The following BRCC3 variants were observed in gnomAD, a reference collection of about 807,000 sequenced individuals.
BRCC3 encodes the protein BRCA1/BRCA2-containing complex subunit 3.
In BRCC3, 15 loss-of-function variants were observed where a neutral mutation model predicts 28.0. The observed-to-expected ratio is 0.54, with a 90% CI of 0.36 to 0.82. The LOEUF (loss-of-function observed/expected upper bound fraction) is 0.82. BRCC3 is among the 40% of genes least tolerant of loss of function. The pLI is 0.01. For missense variants in BRCC3, 109 were observed against 225.9 expected (o/e 0.48, Z 3.32); for synonymous variants, 66 against 80.3 (o/e 0.82, Z 0.95).
chrX:155,086,100 T>TTTAACA (rs2074125379), intron 5 of BRCC3, among the ~76,000 whole-genome samples: 1 of 111,335 alleles, frequency 9.0e-6, no homozygotes, highest in African/African-American at 3.3e-5. Context: ...CAACACACCT[T>TTTAACA]GGAAATCATG....
intron 3 of BRCC3, among the ~76,000 whole-genome samples, chrX:155,074,761 C>T (rs1468216916): frequency 6.3e-5 from 7 of 111,900 alleles, no homozygotes; most frequent in Admixed American, 5.7e-4. Context: ...AGTTAAGCTG[C>T]CTTTTTAGTG....
Position 155,073,561 on chromosome X carries a change from A to G in BRCC3, c.195+130A>G, listed in dbSNP as rs188900750. 1,146 of 784,049 alleles carry G rather than the reference A, an allele frequency of 1.5e-3. 7 individuals are homozygous for G. In the African/African-American group the frequency reaches 0.02, roughly 14 times the overall value. 64.6% of individuals were successfully genotyped at this position (784,049 alleles called of 1,213,427 possible). On this transcript the variant is annotated intron_variant, in intron 3 of 10. Transcript: ENST00000330045. ...TTCTTTCTAGTAAAATCAGATGAAG[A>G]ATCTACTCACTAGGAATGGGACCTA...
chrX:155,074,428 C>G (rs1269946243), intron 3 of BRCC3, among the ~76,000 whole-genome samples: 4 of 111,582 alleles, frequency 3.6e-5, no homozygotes, highest in East Asian at 2.8e-4. Context: ...TGGTGCTTAT[C>G]TTCATCTTTC....
chrX:155,105,293 C>A (rs1019546694), intron 7 of BRCC3, among the ~76,000 whole-genome samples: 1 of 110,751 alleles, frequency 9.0e-6, no homozygotes, highest in South Asian at 3.8e-4. Flanking sequence ...GAACAGCCTG[C>A]CCAACATGGT....
In BRCC3 at chrX:155,122,734, A is replaced by AG. The variant is rs2074395242; in HGVS notation, c.*1530_*1531insG. 1 of 111,449 alleles carries AG rather than the reference A, an allele frequency of 9.0e-6. No individual in the cohort carries two copies. The highest frequency in any genetic ancestry group is 1.9e-5 in the Non-Finnish European group (1 of 53,010). 9.2% of individuals were successfully genotyped at this position (111,449 alleles called of 1,213,427 possible). ...GGGTATTATGGTGAACAAAAAAAAA[A>AG]CCAGTCTCAAATGGTCACATACTGT... On this transcript the variant is annotated 3_prime_UTR_variant, in exon 11 of 11. Coordinates refer to ENST00000330045, the MANE Select transcript of BRCC3 (RefSeq NM_001018055.3).
intron 7 of BRCC3, among the ~76,000 whole-genome samples, chrX:155,105,069 A>G (rs973890879): frequency 8.9e-6 from 1 of 112,366 alleles, no homozygotes; most frequent in Non-Finnish European, 1.9e-5. Context: ...TGAAACATCA[A>G]CATGGTTCAA....
intron 7 of BRCC3, 124 bp from the exon 8 acceptor site, chrX:155,115,933 T>G (rs2074351911): frequency 1.4e-6 from 1 of 690,436 alleles, no homozygotes; most frequent in African/African-American, 2.2e-5. Context: ...CATCACTAAA[T>G]GAATTACAGC....
At chrX:155,110,786 G>A (rs1023341446) in intron 7 of BRCC3, among the ~76,000 whole-genome samples, 15 of 110,686 alleles carry the variant, frequency 1.4e-4, no homozygotes, top group African/African-American at 3.9e-4. Context: ...AACACATGCT[G>A]CCCCTATATC....
At chrX:155,073,351 T>C (rs1557292894) in intron 2 of BRCC3, 26 bp from the exon 3 acceptor site, 5 of 1,154,182 alleles carry the variant, frequency 4.3e-6, no homozygotes, top group Middle Eastern at 2.4e-4. Context: ...CACTTCCTTT[T>C]TTTTTTTCTA....
intron 5 of BRCC3, among the ~76,000 whole-genome samples, chrX:155,085,778 AGGGTCTT>A (rs1334676278): frequency 8.9e-6 from 1 of 111,852 alleles, no homozygotes; most frequent in Non-Finnish European, 1.9e-5. Context: ...GATCTCAAGC[AGGGTCTT>A]GGCTTGAGCC....
chrX:155,114,397 C>A (rs913392041), intron 7 of BRCC3, among the ~76,000 whole-genome samples: 19 of 110,911 alleles, frequency 1.7e-4, no homozygotes, highest in Admixed American at 1.2e-3. Flanking sequence ...TATAAGGTAT[C>A]TAATGATCAT....
At chrX:155,117,078 G>A (rs1402570512) in intron 9 of BRCC3, among the ~76,000 whole-genome samples, 4 of 111,994 alleles carry the variant, frequency 3.6e-5, no homozygotes, top group African/African-American at 1.3e-4. Flanking sequence ...CGTGTTTGAC[G>A]GTTTCCATGG....
chrX:155,093,514 T>A (rs782617058), intron 7 of BRCC3, among the ~76,000 whole-genome samples: 3 of 107,452 alleles, frequency 2.8e-5, no homozygotes, highest in Non-Finnish European at 3.9e-5. Flanking sequence ...GGAGTCCTTG[T>A]TCTCATGGTC....
intron 5 of BRCC3, among the ~76,000 whole-genome samples, chrX:155,086,174 C>A (rs1441797294): frequency 1.8e-5 from 2 of 111,315 alleles, no homozygotes; most frequent in African/African-American, 6.6e-5. Context: ...TAACAGCCGC[C>A]CCATTGGGAA....
intron 9 of BRCC3, among the ~76,000 whole-genome samples, chrX:155,117,734 T>G (rs1211377177): frequency 9.0e-6 from 1 of 111,711 alleles, no homozygotes; most frequent in Non-Finnish European, 1.9e-5. Flanking sequence ...TATATAAGAA[T>G]TTATATTTAG....
chrX:155,080,854 C>A, intron 5 of BRCC3, among the ~76,000 whole-genome samples: 1 of 112,383 alleles, frequency 8.9e-6, no homozygotes, highest in South Asian at 3.7e-4. Context: ...TTGTCCCACA[C>A]TTACCATGGT....
intron 5 of BRCC3, among the ~76,000 whole-genome samples, chrX:155,087,369 C>A (rs1317670546): frequency 8.9e-6 from 1 of 112,373 alleles, no homozygotes; most frequent in Non-Finnish European, 1.9e-5. Context: ...TCTTGGTAGC[C>A]AGTGGACGGG....
chrX:155,072,006 C>A (rs936286701), intron 1 of BRCC3, among the ~76,000 whole-genome samples: 2 of 112,023 alleles, frequency 1.8e-5, no homozygotes, highest in Non-Finnish European at 3.8e-5. Flanking sequence ...GACGCAGCAG[C>A]TGACCACAGT....
chrX:155,075,813 A>G (rs953125986), intron 3 of BRCC3, among the ~76,000 whole-genome samples: 6 of 111,668 alleles, frequency 5.4e-5, no homozygotes, highest in African/African-American at 2.0e-4. Flanking sequence ...GGTCTTGTAC[A>G]TTCTCACTCC....
Sources: allele counts gnomAD v4.1 joint callset (sites outside exome capture counted in the v4.1 genomes callset), GRCh38; gene constraint gnomAD v4.1.1; transcripts MANE v1.5; gene names NCBI Gene and HGNC (gene_info 2026-07-23, HGNC 2026-07-21).